The following GPC5 variants were observed in gnomAD, a reference collection of about 807,000 sequenced individuals.
GPC5 encodes glypican-5.
A neutral mutation model predicts 53.9 loss-of-function variants in GPC5; 47 were observed. The ratio of observed to expected loss-of-function variants is 0.87; its 90% CI spans 0.69 to 1.11. The LOEUF (loss-of-function observed/expected upper bound fraction) is 1.11, where lower values mean the gene tolerates loss of function less well. Ranked by LOEUF, GPC5 falls within the 50% of genes most tolerant of loss-of-function variation. The pLI is 0.00. For missense variants in GPC5, 748 were observed against 713.1 expected (o/e 1.05, Z -0.56); for synonymous variants, 286 against 263.3 (o/e 1.09, Z -0.84).
chr13:91,799,624 A>G (rs2038102162), intron 5 of GPC5, among the ~76,000 whole-genome samples: 2 of 152,196 alleles, frequency 1.3e-5, no homozygotes, highest in South Asian at 4.1e-4. Flanking sequence ...AGGCCTGGGA[A>G]TATCGTAGAA....
intron 6 of GPC5, among the ~76,000 whole-genome samples, chr13:92,051,385 A>G (rs760664506): frequency 6.6e-6 from 1 of 151,704 alleles, no homozygotes; most frequent in Non-Finnish European, 1.5e-5. Context: ...TATTTCTAGT[A>G]GAGGCAGGGT....
intron 2 of GPC5, among the ~76,000 whole-genome samples, chr13:91,460,032 A>G (rs1336991673): frequency 2.0e-5 from 3 of 152,176 alleles, no homozygotes; most frequent in African/African-American, 7.2e-5. Flanking sequence ...GATGAAAATC[A>G]TGAGTTTGTA....
chr13:92,736,051 A>C (rs1432976872), intron 7 of GPC5, among the ~76,000 whole-genome samples: 1 of 152,028 alleles, frequency 6.6e-6, no homozygotes, highest in Admixed American at 6.6e-5. Flanking sequence ...AAGCAAAAAT[A>C]TAAGCACATT....
chr13:91,807,853 T>G (rs1306328944), intron 5 of GPC5, among the ~76,000 whole-genome samples: 2 of 152,202 alleles, frequency 1.3e-5, no homozygotes, highest in Admixed American at 1.3e-4. Flanking sequence ...AGTTTTAAAT[T>G]ATCTTGGAGA....
chr13:92,414,126 A>G (rs1002444825), intron 7 of GPC5, among the ~76,000 whole-genome samples: 8 of 152,224 alleles, frequency 5.3e-5, no homozygotes, highest in Non-Finnish European at 8.8e-5. Flanking sequence ...ATGCAGTAAT[A>G]CAGACCATCA....
chr13:91,791,955 T>A (rs553923575), intron 5 of GPC5, among the ~76,000 whole-genome samples: 1 of 152,328 alleles, frequency 6.6e-6, no homozygotes, highest in Admixed American at 6.5e-5. Flanking sequence ...ATTCTAATAG[T>A]ACTTGGTTTT....
chr13:91,805,940 C>CT (rs1372493920), intron 5 of GPC5, among the ~76,000 whole-genome samples: 1 of 149,694 alleles, frequency 6.7e-6, no homozygotes, highest in African/African-American at 2.5e-5. Context: ...TAAGATTCGC[C>CT]TTTTTAAAAT....
intron 7 of GPC5, among the ~76,000 whole-genome samples, chr13:92,355,299 AAG>A (rs2043512747): frequency 6.6e-6 from 1 of 151,924 alleles, no homozygotes; most frequent in Admixed American, 6.6e-5. Context: ...TAAAAAAAAA[AAG>A]AGCTCCATAA....
intron 6 of GPC5, among the ~76,000 whole-genome samples, chr13:92,036,854 T>C (rs1332961894): frequency 1.3e-5 from 2 of 152,186 alleles, no homozygotes; most frequent in Non-Finnish European, 2.9e-5. Flanking sequence ...CTTCAGTATA[T>C]AACCACCATC....
intron 6 of GPC5, among the ~76,000 whole-genome samples, chr13:92,094,660 A>G (rs1305415795): frequency 1.2e-4 from 19 of 152,104 alleles, no homozygotes; most frequent in Non-Finnish European, 1.9e-4. Flanking sequence ...TTGGCCCCCA[A>G]ACATTTCAAA....
intron 4 of GPC5, 59 bp from the exon 5 acceptor site, chr13:91,756,236 T>C: frequency 7.6e-7 from 1 of 1,316,132 alleles, no homozygotes; most frequent in Non-Finnish European, 1.0e-6. Flanking sequence ...ACATATCATT[T>C]TTGATGGCCT....
chr13:92,140,099 T>C (rs551272060), intron 6 of GPC5, among the ~76,000 whole-genome samples: 4 of 152,226 alleles, frequency 2.6e-5, no homozygotes, highest in Admixed American at 2.6e-4. Flanking sequence ...AAAGAGGTAT[T>C]TGAGTTTGAA....
At chr13:91,871,826 G>A (rs892773513) in intron 5 of GPC5, among the ~76,000 whole-genome samples, 4 of 151,974 alleles carry the variant, frequency 2.6e-5, no homozygotes, top group African/African-American at 9.7e-5. Context: ...CGCTAGATTA[G>A]TGCAGAGCCT....
intron 5 of GPC5, among the ~76,000 whole-genome samples, chr13:91,895,151 A>G (rs550004832): frequency 6.6e-6 from 1 of 152,160 alleles, no homozygotes; most frequent in East Asian, 1.9e-4. Context: ...AGAGCTCTCA[A>G]GGGGCTCAGG....
At chr13:92,080,558 C>A (rs967376067) in intron 6 of GPC5, among the ~76,000 whole-genome samples, 1 of 152,128 alleles carries the variant, frequency 6.6e-6, no homozygotes, top group Admixed American at 6.5e-5. Flanking sequence ...TTGAACAATT[C>A]TTTGTCTTCT....
intron 7 of GPC5, among the ~76,000 whole-genome samples, chr13:92,438,669 T>C (rs1368569377): frequency 6.6e-6 from 1 of 152,030 alleles, no homozygotes; most frequent in Non-Finnish European, 1.5e-5. Context: ...TTAGACATAA[T>C]CCAAATTGTC....
At chr13:92,729,799 C>T (rs1888752387) in intron 7 of GPC5, among the ~76,000 whole-genome samples, 1 of 149,318 alleles carries the variant, frequency 6.7e-6, no homozygotes, top group African/African-American at 2.4e-5. Flanking sequence ...TTTTTTACCA[C>T]AAATCAATTT....
At chr13:92,148,322 G>A (rs533857029) in intron 7 of GPC5, among the ~76,000 whole-genome samples, 21 of 152,048 alleles carry the variant, frequency 1.4e-4, no homozygotes, top group Non-Finnish European at 2.8e-4. Context: ...TCAGATGACA[G>A]AGGGGTCTCT....
chr13:92,825,098 T>C (rs997817526), intron 7 of GPC5, among the ~76,000 whole-genome samples: 2 of 152,130 alleles, frequency 1.3e-5, no homozygotes, highest in Admixed American at 1.3e-4. Flanking sequence ...GAAGTTCTCT[T>C]AATCTCTATG....
Sources: gnomAD v4.1 joint callset for allele counts (sites outside exome capture counted in the v4.1 genomes callset) on GRCh38, gnomAD v4.1.1 for gene constraint, MANE v1.5 for transcripts, NCBI Gene and HGNC (gene_info 2026-07-23, HGNC 2026-07-21) for gene names.